The following CDH13 variants were observed in gnomAD, a reference collection of about 807,000 sequenced individuals.
The protein encoded by CDH13 is cadherin 13, also known as cadherin-13.
Under a neutral mutation model 63.8 loss-of-function variants are expected in CDH13, and 24 were observed. That is an observed-to-expected ratio of 0.38 (90% CI 0.27 to 0.53). The LOEUF (loss-of-function observed/expected upper bound fraction) is 0.53. Among genes scored for constraint, CDH13 ranks in the 20% least tolerant of loss-of-function variants. The pLI is 0.85. For synonymous variants in CDH13, 503 were observed against 355.3 expected (o/e 1.42, Z -4.67); for missense variants, 1,049 against 903.1 (o/e 1.16, Z -2.07).
intron 8 of CDH13, among the ~76,000 whole-genome samples, chr16:83,608,314 G>C (rs1170578390): frequency 6.6e-6 from 1 of 152,166 alleles, no homozygotes; most frequent in Non-Finnish European, 1.5e-5. Flanking sequence ...AGGGACAAAG[G>C]TAAATGGTAG....
chr16:83,126,831 T>A (rs2035833558), intron 4 of CDH13, among the ~76,000 whole-genome samples: 2 of 152,162 alleles, frequency 1.3e-5, no homozygotes, highest in Admixed American at 6.5e-5. Flanking sequence ...AGCTTTGGAC[T>A]GGGTGTGAAG....
chr16:83,075,030 AG>A (rs1371927903), intron 3 of CDH13, among the ~76,000 whole-genome samples: 1 of 152,148 alleles, frequency 6.6e-6, no homozygotes, highest in Non-Finnish European at 1.5e-5. Context: ...TCAGCCAATG[AG>A]GGGTAAGATC....
chr16:82,894,368 G>A (rs866374143), intron 2 of CDH13, among the ~76,000 whole-genome samples: 3 of 152,180 alleles, frequency 2.0e-5, no homozygotes, highest in Non-Finnish European at 4.4e-5. Context: ...TAGGGCAGGC[G>A]TGGTGGCTCA....
At chr16:83,392,479 C>G (rs920744098) in intron 6 of CDH13, among the ~76,000 whole-genome samples, 1 of 152,166 alleles carries the variant, frequency 6.6e-6, no homozygotes, top group African/African-American at 2.4e-5. Context: ...ATTCTAGAAC[C>G]TCAATTATCA....
chr16:83,513,141 T>G (rs964841982), intron 7 of CDH13, among the ~76,000 whole-genome samples: 2 of 152,108 alleles, frequency 1.3e-5, no homozygotes, highest in African/African-American at 4.8e-5. Flanking sequence ...GCTAGTCCCA[T>G]GAGAAAAAGA....
At chr16:82,860,753 G>A (rs2039911955) in intron 2 of CDH13, among the ~76,000 whole-genome samples, 1 of 152,154 alleles carries the variant, frequency 6.6e-6, no homozygotes, top group South Asian at 2.1e-4. Context: ...GTGCCTAAAT[G>A]AGGAAGAAAA....
At chr16:83,101,234 C>A (rs115876023) in intron 3 of CDH13, among the ~76,000 whole-genome samples, 2,905 of 149,938 alleles carry the variant, frequency 0.019, 90 homozygotes, top group African/African-American at 0.068. Context: ...TGCACATATA[C>A]TATATACTAT....
intron 2 of CDH13, among the ~76,000 whole-genome samples, chr16:82,952,860 C>A (rs1905491912): frequency 6.6e-6 from 1 of 152,148 alleles, no homozygotes; most frequent in Non-Finnish European, 1.5e-5. Flanking sequence ...TCTGATTCCT[C>A]ACTAGTGCTT....
chr16:83,787,159 T>C (rs939784983), intron 13 of CDH13, among the ~76,000 whole-genome samples: 2 of 152,218 alleles, frequency 1.3e-5, no homozygotes, highest in African/African-American at 4.8e-5. Flanking sequence ...GGGCATACCA[T>C]TCTGCGACTT....
intron 3 of CDH13, among the ~76,000 whole-genome samples, chr16:83,063,239 G>C (rs376707173): frequency 6.6e-6 from 1 of 152,166 alleles, no homozygotes; most frequent in Non-Finnish European, 1.5e-5. Flanking sequence ...TGGAATTACA[G>C]GTGTGAGCTA....
chr16:82,886,023 C>G (rs2040875961), intron 2 of CDH13, among the ~76,000 whole-genome samples: 1 of 151,962 alleles, frequency 6.6e-6, no homozygotes, highest in South Asian at 2.1e-4. Flanking sequence ...AATATAATGT[C>G]TATTAAAATT....
chr16:83,264,762 G>T (rs1418163301), intron 5 of CDH13, among the ~76,000 whole-genome samples: 1 of 149,134 alleles, frequency 6.7e-6, no homozygotes, highest in Non-Finnish European at 1.5e-5. Context: ...TTTTTTTTCT[G>T]GCATTTGTGT....
intron 10 of CDH13, among the ~76,000 whole-genome samples, chr16:83,740,870 C>A (rs564096637): frequency 3.3e-5 from 5 of 152,332 alleles, no homozygotes; most frequent in African/African-American, 1.2e-4. Flanking sequence ...GTTGTGGCAC[C>A]CCATCCCTGG....
chr16:83,075,212 C>G (rs947448760), intron 3 of CDH13, among the ~76,000 whole-genome samples: 2 of 152,180 alleles, frequency 1.3e-5, no homozygotes, highest in Non-Finnish European at 2.9e-5. Flanking sequence ...CCCTGTCTTA[C>G]TTCCCAACTC....
At chr16:83,018,318 T>G (rs1915009268) in intron 2 of CDH13, among the ~76,000 whole-genome samples, 1 of 152,226 alleles carries the variant, frequency 6.6e-6, no homozygotes, top group Non-Finnish European at 1.5e-5. Context: ...AAATAGATGC[T>G]ATTCCACATT....
chr16:82,746,535 T>A (rs1477233478), intron 1 of CDH13, among the ~76,000 whole-genome samples: 1 of 152,108 alleles, frequency 6.6e-6, no homozygotes, highest in Admixed American at 6.5e-5. Context: ...GGGTTATTAC[T>A]TTAGCAGAAA....
intron 1 of CDH13, among the ~76,000 whole-genome samples, chr16:82,811,244 G>A (rs1252971805): frequency 6.6e-6 from 1 of 152,084 alleles, no homozygotes; most frequent in East Asian, 1.9e-4. Context: ...TCAAGCCACG[G>A]TGAGAGAATT....
At chr16:83,354,062 C>T (rs1183951413) in intron 6 of CDH13, among the ~76,000 whole-genome samples, 1 of 152,196 alleles carries the variant, frequency 6.6e-6, no homozygotes, top group Admixed American at 6.5e-5. Context: ...TTTGTAGCTT[C>T]AGAAATGTAG....
chr16:82,989,698 C>T (rs1446390158), intron 2 of CDH13, among the ~76,000 whole-genome samples: 1 of 152,164 alleles, frequency 6.6e-6, no homozygotes, highest in East Asian at 1.9e-4. Flanking sequence ...AGGGTATTGC[C>T]TGCTTCTGTT....
Sources: gnomAD v4.1 joint callset for allele counts (sites outside exome capture counted in the v4.1 genomes callset) on GRCh38, gnomAD v4.1.1 for gene constraint, MANE v1.5 for transcripts, NCBI Gene and HGNC (gene_info 2026-07-23, HGNC 2026-07-21) for gene names.